The following TIMP3 variants were observed in gnomAD, a reference collection of about 807,000 sequenced individuals.
TIMP3 encodes metalloproteinase inhibitor 3.
In TIMP3, 11 loss-of-function variants were observed where a neutral mutation model predicts 30.0. The ratio of observed to expected loss-of-function variants is 0.37; its 90% CI spans 0.23 to 0.61. The LOEUF (loss-of-function observed/expected upper bound fraction) is 0.61, where lower values mean the gene tolerates loss of function less well. Ranked by LOEUF, TIMP3 falls within the 20% of genes least tolerant of loss-of-function variation. The pLI, the probability that TIMP3 is intolerant of heterozygous loss-of-function variation, is 0.70. For synonymous variants in TIMP3, 112 were observed against 111.3 expected (o/e 1.01, Z -0.04); for missense variants, 181 against 276.8 (o/e 0.65, Z 2.45).
At chr22:32,811,226 T>A (rs137941232) in intron 1 of TIMP3, among the ~76,000 whole-genome samples, 6 of 152,152 alleles carry the variant, frequency 3.9e-5, no homozygotes, top group African/African-American at 1.4e-4. Flanking sequence ...ATAAGCAGAC[T>A]GAGGGGGGCC....
intron 1 of TIMP3, among the ~76,000 whole-genome samples, chr22:32,802,462 G>T (rs1408206767): frequency 6.6e-6 from 1 of 151,958 alleles, no homozygotes; most frequent in African/African-American, 2.4e-5. Flanking sequence ...GTGGGGAAAG[G>T]GTTCCCAAAA....
intron 4 of TIMP3, 86 bp downstream of exon 4, chr22:32,858,224 G>A (rs1298463330): frequency 2.4e-5 from 38 of 1,575,542 alleles, no homozygotes; most frequent in South Asian, 5.8e-5. Context: ...TGGGTGCCAG[G>A]CCCTCGGCTG....
At chr22:32,857,211 TG>T in intron 2 of TIMP3, 37 bp from the exon 3 acceptor site, 2 of 1,535,728 alleles carry the variant, frequency 1.3e-6, no homozygotes, top group Non-Finnish European at 1.8e-6. Flanking sequence ...GTGTCCAAAC[TG>T]GGAAAGAAGA....
At chr22:32,827,320 C>A (rs1277450273) in intron 1 of TIMP3, among the ~76,000 whole-genome samples, 1 of 152,250 alleles carries the variant, frequency 6.6e-6, no homozygotes, top group Non-Finnish European at 1.5e-5. Context: ...TATGTGAATT[C>A]ATTTGGGCCT....
chr22:32,859,406 C>T lies in TIMP3; in HGVS notation c.*29C>T. ...CCAGACCCTGCCCCACCTCACTTCC[C>T]TCCCTTCCCGCTGAGCTTCCCTTGG... On this transcript the variant is annotated 3_prime_UTR_variant, in exon 5 of 5. Transcript: ENST00000266085. 6.3e-7 allele frequency: 1 copy of T among 1,597,288 alleles called. No homozygotes were observed. The highest frequency in any genetic ancestry group is 8.5e-7 in the Non-Finnish European group (1 of 1,176,336).
At chr22:32,810,761 A>G (rs1476987939) in intron 1 of TIMP3, among the ~76,000 whole-genome samples, 1 of 152,182 alleles carries the variant, frequency 6.6e-6, no homozygotes, top group South Asian at 2.1e-4. Flanking sequence ...TTTCGCAACC[A>G]GGGTCAGATT....
At chr22:32,843,835 C>A (rs1007714396) in intron 1 of TIMP3, among the ~76,000 whole-genome samples, 1 of 152,132 alleles carries the variant, frequency 6.6e-6, no homozygotes, top group Non-Finnish European at 1.5e-5. Flanking sequence ...ACTAACCAGA[C>A]GTCCCTTACT....
chr22:32,834,613 A>G (rs529584227), intron 1 of TIMP3, among the ~76,000 whole-genome samples: 3 of 152,294 alleles, frequency 2.0e-5, no homozygotes, highest in Admixed American at 1.3e-4. Flanking sequence ...TGTTTTGCAG[A>G]TACTCTGTGG....
intron 1 of TIMP3, among the ~76,000 whole-genome samples, chr22:32,845,536 T>C (rs1484132055): frequency 6.6e-6 from 1 of 152,104 alleles, no homozygotes; most frequent in African/African-American, 2.4e-5. Flanking sequence ...TAGCCATCAG[T>C]GGAAGCGGGA....
intron 1 of TIMP3, among the ~76,000 whole-genome samples, chr22:32,842,963 C>T (rs1306824368): frequency 6.6e-6 from 1 of 152,182 alleles, no homozygotes; most frequent in East Asian, 1.9e-4. Context: ...TATCAATCTT[C>T]TTCTCTGATC....
At chr22:32,817,051 C>A (rs2047104718) in intron 1 of TIMP3, among the ~76,000 whole-genome samples, 1 of 131,004 alleles carries the variant, frequency 7.6e-6, no homozygotes, top group South Asian at 2.7e-4. Context: ...GATTCCCTGT[C>A]TCTACTAATT....
intron 2 of TIMP3, among the ~76,000 whole-genome samples, chr22:32,854,065 ACT>A (rs978829192): frequency 6.6e-6 from 1 of 152,114 alleles, no homozygotes; most frequent in African/African-American, 2.4e-5. Context: ...ACCTATTATA[ACT>A]CTCCTAAATT....
rs1000292896 is a variant in TIMP3, at chr22:32,861,143, T to G, written c.*1766T>G. ...TTTGTATCTTCAGTTCATTCCACTT[T>G]AGGAAACAGAGCTGCCAATTGAAAC... is the stretch of plus-strand genomic sequence containing the variant. On this transcript the variant is annotated 3_prime_UTR_variant, in exon 5 of 5. Transcript: ENST00000266085. The G allele has an allele frequency of 6.7e-6, 1 of 148,502 alleles. No individual in the cohort carries two copies. The highest frequency in any genetic ancestry group is 1.5e-5 in the Non-Finnish European group (1 of 67,462). 9.2% of individuals were successfully genotyped at this position (148,502 alleles called of 1,614,324 possible). A position where few individuals can be genotyped will look rare whatever the true frequency, so the allele number is the denominator to read the frequency against.
At chr22:32,844,627 C>A (rs1214788982) in intron 1 of TIMP3, among the ~76,000 whole-genome samples, 1 of 152,188 alleles carries the variant, frequency 6.6e-6, no homozygotes, top group African/African-American at 2.4e-5. Flanking sequence ...TAAGTTCACA[C>A]ATCCTAGTTA....
chr22:32,838,062 C>T (rs1221841213), intron 1 of TIMP3, among the ~76,000 whole-genome samples: 3 of 152,162 alleles, frequency 2.0e-5, no homozygotes, highest in Non-Finnish European at 2.9e-5. Flanking sequence ...TCCTGTGGCT[C>T]CCTGGACTAT....
rs559121614 is a variant in TIMP3 at position 32,834,586 on chromosome 22, G to A, written c.122-14866G>A. Among the ~76,000 whole-genome samples the A allele has an allele frequency of 5.9e-4, 90 of 152,328 alleles. 3 individuals carry two copies. The South Asian group carries it at 0.018, about 30-fold the overall frequency. ...TGTGCAGTGGAGGTGGCAGGGGGAG[G>A]TGGCTGGTGCTGTGTATGTTTTGCA... is the stretch of plus-strand genomic sequence containing the variant. On this transcript the variant is annotated intron_variant, in intron 1 of 4. Coordinates refer to ENST00000266085, the MANE Select transcript of TIMP3 (RefSeq NM_000362.5).
intron 1 of TIMP3, among the ~76,000 whole-genome samples, chr22:32,811,850 T>A (rs149300336): frequency 5.2e-4 from 79 of 152,308 alleles, no homozygotes; most frequent in Non-Finnish European, 5.1e-4. Flanking sequence ...CCCTTCCCTC[T>A]TTAGACAGCT....
In TIMP3 at chr22:32,801,897, G is replaced by A; in HGVS notation, c.-105G>A. On this transcript the variant is annotated 5_prime_UTR_variant, in exon 1 of 5. Coordinates refer to ENST00000266085, the MANE Select transcript of TIMP3 (RefSeq NM_000362.5). This position sits in a 1 kb window ranked among gnomAD's most constrained non-coding sequence, Gnocchi z 4.7. Reference sequence around the variant, plus strand: ...GCCGGAGGCCAAGGTTGCCCCGCACGGCCCGGCGGGCGAGCGAGCTCGGGC... The same window carrying A: ...GCCGGAGGCCAAGGTTGCCCCGCACAGCCCGGCGGGCGAGCGAGCTCGGGC... 1 of 1,364,338 alleles carries A rather than the reference G, an allele frequency of 7.3e-7. No individual in the cohort carries two copies. The highest frequency in any genetic ancestry group is 9.4e-7 in the Non-Finnish European group (1 of 1,064,774). 84.5% of individuals were successfully genotyped at this position (1,364,338 alleles called of 1,614,324 possible).
intron 1 of TIMP3, 115 bp downstream of exon 1, chr22:32,802,237 G>A (rs1432243188): frequency 7.0e-7 from 1 of 1,424,044 alleles, no homozygotes; most frequent in East Asian, 2.7e-5. Context: ...GGGGCAGACG[G>A]GGTTGGGGCG....
Sources: gnomAD v4.1 joint callset for allele counts (sites outside exome capture counted in the v4.1 genomes callset) on GRCh38, gnomAD v4.1.1 for gene constraint, Gnocchi (gnomAD v3.1) non-coding constraint, MANE v1.5 for transcripts, NCBI Gene and HGNC (gene_info 2026-07-23, HGNC 2026-07-21) for gene names.